Variants in HOXB7 observed in about 807,000 individuals in gnomAD.
The protein encoded by HOXB7 is homeobox B7, also known as homeobox protein Hox-B7.
In HOXB7, 11 loss-of-function variants were observed where a neutral mutation model predicts 19.2. The ratio of observed to expected loss-of-function variants is 0.57; its 90% CI spans 0.36 to 0.95. The LOEUF is 0.95. HOXB7 is among the 40% of genes least tolerant of loss of function. The pLI, the probability that HOXB7 is intolerant of heterozygous loss-of-function variation, is 0.01. For missense variants in HOXB7, 318 were observed against 301.1 expected (o/e 1.06, Z -0.42); for synonymous variants, 141 against 130.2 (o/e 1.08, Z -0.56).
chr17:48,608,162 A>G (rs1301425168), intron 1 of HOXB7, 67 bp from the exon 2 acceptor site: 3 of 1,554,034 alleles, frequency 1.9e-6, no homozygotes, highest in Middle Eastern at 2.0e-4. Context: ...GTGGGCTCAA[A>G]CCTGTAATCC....
intron 1 of HOXB7, among the ~76,000 whole-genome samples, chr17:48,609,446 T>C (rs1446168857): frequency 6.6e-6 from 1 of 152,260 alleles, no homozygotes; most frequent in African/African-American, 2.4e-5. Flanking sequence ...ACTGATGGTA[T>C]GAGAGCTGGG....
chr17:48,608,359 G>A (rs2144994495), intron 1 of HOXB7: 1 of 186,174 alleles, frequency 5.4e-6, no homozygotes, highest in South Asian at 1.4e-4. Context: ...GGGAGGCAGA[G>A]CTTGCAGTGA....
In HOXB7 at chr17:48,607,956, CTG is replaced by C; in HGVS notation, c.538_539del (p.Gln180AspfsTer30). On this transcript the variant is annotated frameshift_variant, in exon 2 of 2. Transcript: ENST00000239165. LOFTEE classifies it high-confidence loss of function. Reference protein sequence around the residue: ...IAHTLCLTERQIKIWFQNRRM... With the variant: ...IAHTLCLTERXIKIWFQNRRM... ...GCCGGTTCTGAAACCAAATCTTGAT[CTG>C]TCTTTCCGTGAGGCAGAGCGTGTGC... is the stretch of plus-strand genomic sequence containing the variant. 1 of 1,614,176 alleles carries C rather than the reference CTG, an allele frequency of 6.2e-7. No individual in the cohort carries two copies. The highest frequency in any genetic ancestry group is 8.5e-7 in the Non-Finnish European group (1 of 1,180,034).
Position 48,611,000 on chromosome 17 carries a change from C to T in HOXB7, c.-82G>A, listed in dbSNP as rs1180402504. The T allele has an allele frequency of 2.6e-5, 32 of 1,215,112 alleles. No individual in the cohort carries two copies. The highest frequency in any genetic ancestry group is 3.5e-5 in the Non-Finnish European group (32 of 913,306). 75.3% of individuals were successfully genotyped at this position (1,215,112 alleles called of 1,614,324 possible). A position where few individuals can be genotyped will look rare whatever the true frequency, so the allele number is the denominator to read the frequency against. On this transcript the variant is annotated 5_prime_UTR_variant, in exon 1 of 2. Transcript: ENST00000239165. The stretch of plus-strand genomic sequence containing the variant: ...CTTGATATATTACAGAATTAGAGTC[C>T]AGATTTACACCAAAAAGGACCCCCT...
intron 1 of HOXB7, among the ~76,000 whole-genome samples, chr17:48,609,643 T>C (rs774120684): frequency 6.6e-6 from 1 of 152,132 alleles, no homozygotes; most frequent in Non-Finnish European, 1.5e-5. Context: ...GCTGGCTAGG[T>C]GAACTGCACT....
intron 1 of HOXB7, 126 bp from the exon 2 acceptor site, chr17:48,608,221 A>G (rs2070608123): frequency 8.1e-7 from 1 of 1,229,458 alleles, no homozygotes; most frequent in Non-Finnish European, 1.1e-6. Context: ...CAGGAGATCG[A>G]GACCAACCTG....
rs2070635750 is a variant in HOXB7, at chr17:48,610,697, G to A, written c.222C>T (p.Tyr74=). The change falls in exon 1 of 2, where the codon TAC becomes TAT. Residue 74 remains tyrosine, a synonymous_variant. Coordinates refer to ENST00000239165, the MANE Select transcript of HOXB7 (RefSeq NM_004502.4). The part of the protein sequence containing the change: ...GMAGQSAAGV[Y]AAGYGLEPSS... ...TCGGCTCGAGCCCATAGCCGGCCGC[G>A]TAGACGCCGGCCGCGCTCTGGCCCG... is the stretch of plus-strand genomic sequence containing the variant. 2.5e-6 allele frequency: 4 copies of A among 1,577,186 alleles called. No homozygotes were observed. The highest frequency in any genetic ancestry group is 2.6e-6 in the Non-Finnish European group (3 of 1,162,708).
chr17:48,607,687 C>A lies in HOXB7; in HGVS notation c.*155G>T. ...CTCCTTAAAAAATGTTTTTAAACTCCTTTCATTTAAATAGGGTTTTTTTTT... is the reference window on the plus strand; with the variant it reads ...CTCCTTAAAAAATGTTTTTAAACTCATTTCATTTAAATAGGGTTTTTTTTT... On this transcript the variant is annotated 3_prime_UTR_variant, in exon 2 of 2. Transcript: ENST00000239165. The A allele has an allele frequency of 4.4e-6, 3 of 688,648 alleles. No individual in the cohort carries two copies. The highest frequency in any genetic ancestry group is 6.7e-6 in the Non-Finnish European group (3 of 448,398). 42.7% of individuals were successfully genotyped at this position (688,648 alleles called of 1,614,324 possible).
In HOXB7 at chr17:48,608,002, C is replaced by G. The variant is rs755328654; in HGVS notation, c.494G>C (p.Arg165Pro). Residue 165 changes from arginine to proline, a missense_variant, in exon 2 of 2, where the codon CGG becomes CCG. Arg to Pro is a moderately radical substitution (Grantham distance 103, BLOSUM62 -2). Coordinates refer to ENST00000239165, the MANE Select transcript of HOXB7 (RefSeq NM_004502.4). ...EFHYNRYLTR[R>P]RRIEIAHTLC... Reference sequence around the variant, plus strand: ...CGTGTGCGCGATCTCGATGCGCCGCCGCCGCGTCAGGTAGCGATTGTAGTG... The same window carrying G: ...CGTGTGCGCGATCTCGATGCGCCGCGGCCGCGTCAGGTAGCGATTGTAGTG... 10 of 1,614,190 alleles carry G rather than the reference C, an allele frequency of 6.2e-6. No individual in the cohort carries two copies. The South Asian group carries it at 9.9e-5, about 16-fold the overall frequency.
In HOXB7 at chr17:48,608,381, G is replaced by A. The variant is rs564074643; in HGVS notation, c.401-286C>T. 5.9e-4 allele frequency: 80 copies of A among 134,526 alleles called. No individual in the cohort carries two copies. In the South Asian group the frequency reaches 0.011, roughly 18 times the overall value. The allele number at this position is 134,526 out of a possible 1,614,324, so 8.3% of individuals were successfully genotyped here. A position where few individuals can be genotyped will look rare whatever the true frequency, so the allele number is the denominator to read the frequency against. Reference sequence around the variant, plus strand: ...AGAGCTTGCAGTGAGCCGAGATTGCGCCACTGCACTCCAGTCTGGGCGACA... The same window carrying A: ...AGAGCTTGCAGTGAGCCGAGATTGCACCACTGCACTCCAGTCTGGGCGACA... On this transcript the variant is annotated intron_variant, in intron 1 of 1. Coordinates refer to ENST00000239165, the MANE Select transcript of HOXB7 (RefSeq NM_004502.4).
In HOXB7 at chr17:48,607,705, TTTTTTTTTG is replaced by T. The variant is rs988883740; in HGVS notation, c.*128_*136del. On this transcript the variant is annotated 3_prime_UTR_variant, in exon 2 of 2. Transcript: ENST00000239165. ...TAAACTCCTTTCATTTAAATAGGGT[TTTTTTTTTG>T]TTTTTTTTGTTTTTTGTTTTGTTTT... 9.5e-5 allele frequency: 66 copies of T among 692,794 alleles called. No homozygotes were observed. The highest frequency in any genetic ancestry group is 3.2e-4 in the African/African-American group (17 of 52,880). 42.9% of individuals were successfully genotyped at this position (692,794 alleles called of 1,614,324 possible).
At chr17:48,608,219 C>A in intron 1 of HOXB7, 124 bp from the exon 2 acceptor site, 9 of 1,221,192 alleles carry the variant, frequency 7.4e-6, no homozygotes, top group Non-Finnish European at 1.0e-5. Flanking sequence ...GTCAGGAGAT[C>A]GAGACCAACC....
rs774086175 is a variant in HOXB7 at position 48,608,059 on chromosome 17, C to A, written c.437G>T (p.Arg146Leu). 7.4e-6 allele frequency: 12 copies of A among 1,613,966 alleles called. No homozygotes were observed. Among genetic ancestry groups the A allele is most frequent in the Middle Eastern group, 1.6e-4 (1 of 6,084 alleles). ...TTTCTCCAGCTCCAGGGTCTGGTAGCGGGTGTAGGTCTGGCGGCCTCGTTT... is the reference window on the plus strand; with the variant it reads ...TTTCTCCAGCTCCAGGGTCTGGTAGAGGGTGTAGGTCTGGCGGCCTCGTTT... ...DRKRGRQTYT[R>L]YQTLELEKEF... is the part of the protein sequence containing the mutation. Residue 146 changes from arginine to leucine, a missense_variant, in exon 2 of 2, where the codon CGC becomes CTC. By Grantham distance (102) the Arg-to-Leu change is moderately radical (BLOSUM62 -2). Transcript: ENST00000239165.
At position 48,609,186 on chromosome 17, in the gene HOXB7, A is replaced by G. The variant is rs2070618595; in HGVS notation, c.401-1091T>C. On this transcript the variant is annotated intron_variant, in intron 1 of 1. Coordinates refer to ENST00000239165, the MANE Select transcript of HOXB7 (RefSeq NM_004502.4). ...CCTGGGATAGGATGGAACATGGAGT[A>G]TCTGGGTGGTGGGGACTGAAGGGTA... Among the ~76,000 whole-genome samples, 3 of 152,256 alleles carry G rather than the reference A, an allele frequency of 2.0e-5. No individual in the cohort carries two copies. In the South Asian group the frequency reaches 6.2e-4, roughly 31 times the overall value.
Position 48,608,045 on chromosome 17 carries a change from C to G in HOXB7, c.451G>C (p.Glu151Gln), listed in dbSNP as rs775327106. ...RQTYTRYQTL[E>Q]LEKEFHYNRY... is the part of the protein sequence containing the mutation. ...TTGTAGTGAAATTCTTTCTCCAGCT[C>G]CAGGGTCTGGTAGCGGGTGTAGGTC... Residue 151 changes from glutamate (E) to glutamine (Q), a missense_variant, in exon 2 of 2, where the codon GAG becomes CAG. By Grantham distance (29) the Glu-to-Gln change is conservative. Transcript: ENST00000239165. The G allele has an allele frequency of 2.5e-6, 4 of 1,614,210 alleles. No individual in the cohort carries two copies. Among genetic ancestry groups the G allele is most frequent in the Admixed American group, 3.3e-5 (2 of 60,020 alleles).
In HOXB7 at chr17:48,610,668, G is replaced by A. The variant is rs1244208312; in HGVS notation, c.251C>T (p.Ser84Phe). 2.5e-6 allele frequency: 4 copies of A among 1,580,670 alleles called. No individual in the cohort carries two copies. Among genetic ancestry groups the A allele is most frequent in the Non-Finnish European group, 2.6e-6 (3 of 1,163,408 alleles). ...AAAGGGCGCGCAGTGCATGTTGAAG[G>A]AACTCGGCTCGAGCCCATAGCCGGC... Reference protein sequence around the residue: ...YAAGYGLEPSSFNMHCAPFEQ... With the variant: ...YAAGYGLEPSFFNMHCAPFEQ... The change falls in exon 1 of 2, where the codon TCC becomes TTC. Residue 84 changes from serine to phenylalanine, a missense_variant. Transcript: ENST00000239165.
Position 48,610,781 on chromosome 17 carries a change from A to G in HOXB7, c.138T>C (p.Gly46=). The G allele has an allele frequency of 1.3e-6, 2 of 1,599,694 alleles. No individual in the cohort carries two copies. Among genetic ancestry groups the G allele is most frequent in the African/African-American group, 2.7e-5 (2 of 74,368 alleles). Residue 46 remains glycine, a synonymous_variant, in exon 1 of 2, where the codon GGT becomes GGC. Transcript: ENST00000239165. ...TCGAGGCGGCGAAGGAAGCGCCCGAACCCGCTCCATAGCCCGGGCGCTGGG... is the reference window on the plus strand; with the variant it reads ...TCGAGGCGGCGAAGGAAGCGCCCGAGCCCGCTCCATAGCCCGGGCGCTGGG... ...SNPQRPGYGA[G]SGASFAASMQ... is the part of the protein sequence containing the mutation.
rs752328350 is a variant in HOXB7, at chr17:48,607,915, T to C, written c.581A>G (p.Lys194Arg). Reference protein sequence around the residue: ...WFQNRRMKWKKENKTAGPGTT... With the variant: ...WFQNRRMKWKRENKTAGPGTT... ...CCCCGGGCCCGCGGTCTTGTTCTCC[T>C]TTTTCCACTTCATGCGCCGGTTCTG... Residue 194 changes from lysine (K) to arginine (R), a missense_variant, in exon 2 of 2, where the codon AAG becomes AGG. Lys to Arg is a conservative substitution (Grantham distance 26). Transcript: ENST00000239165. The C allele has an allele frequency of 3.3e-5, 54 of 1,613,986 alleles. No individual in the cohort carries two copies. The highest frequency in any genetic ancestry group is 4.2e-5 in the Non-Finnish European group (49 of 1,180,020).
Position 48,610,561 on chromosome 17 carries a change from C to A in HOXB7, c.358G>T (p.Ala120Ser). 1 of 1,529,090 alleles carries A rather than the reference C, an allele frequency of 6.5e-7. No homozygotes were observed. 94.7% of individuals were successfully genotyped at this position (1,529,090 alleles called of 1,614,324 possible). ...AKEQRDSDLA[A>S]ESNFRIYPWM... ...GGGTAGATCCGGAAGTTACTCTCGG[C>A]CGCCAAGTCCGAGTCCCTCTGCTCC... Residue 120 changes from alanine to serine, a missense_variant, in exon 1 of 2, where the codon GCC (alanine) becomes TCC (serine). Ala to Ser is a moderately conservative substitution (Grantham distance 99). Transcript: ENST00000239165.
Sources: gnomAD v4.1 joint callset for allele counts (sites outside exome capture counted in the v4.1 genomes callset) on GRCh38, gnomAD v4.1.1 for gene constraint, MANE v1.5 for transcripts, NCBI Gene and HGNC (gene_info 2026-07-23, HGNC 2026-07-21) for gene names.